The following ARHGAP25 variants were observed in gnomAD, a reference collection of about 807,000 sequenced individuals.
The protein encoded by ARHGAP25 is Rho GTPase activating protein 25, also known as rho GTPase-activating protein 25.
Under a neutral mutation model 71.0 loss-of-function variants are expected in ARHGAP25, and 34 were observed. The observed-to-expected ratio is 0.48, with a 90% confidence interval of 0.36 to 0.64. ARHGAP25 has a LOEUF of 0.64. Ranked by LOEUF, ARHGAP25 falls within the 30% of genes least tolerant of loss-of-function variation. The pLI, the probability that ARHGAP25 is intolerant of heterozygous loss-of-function variation, is 0.00. For synonymous variants in ARHGAP25, 282 were observed against 296.5 expected, an observed-to-expected ratio of 0.95 and a Z score of 0.50; for missense variants, 706 against 805.1, an observed-to-expected ratio of 0.88 and a Z score of 1.49.
intron 6 of ARHGAP25, among the ~76,000 whole-genome samples, chr2:68,814,941 T>A (rs946237872): frequency 1.3e-5 from 2 of 152,228 alleles, no homozygotes. Flanking sequence ...TACTGGTATA[T>A]CTGCTCACCA....
chr2:68,775,115 C>T lies in ARHGAP25; in HGVS notation c.62-106C>T. 4 of 1,594,992 alleles carry T rather than the reference C, an allele frequency of 2.5e-6. No individual in the cohort carries two copies. In the South Asian group the frequency reaches 3.4e-5, roughly 13 times the overall value. On this transcript the variant is annotated intron_variant, in intron 1 of 10. Coordinates refer to ENST00000409202, the MANE Select transcript of ARHGAP25 (RefSeq NM_001007231.3). Reference sequence around the variant, plus strand: ...CCCCTGAACTGGACCTGGTTGTCGTCCCCCCGCTTCTCAGCCCCCTCTGGG... The same window carrying T: ...CCCCTGAACTGGACCTGGTTGTCGTTCCCCCGCTTCTCAGCCCCCTCTGGG...
intron 1 of ARHGAP25, among the ~76,000 whole-genome samples, chr2:68,771,643 G>A (rs982665433): frequency 2.6e-5 from 4 of 152,192 alleles, no homozygotes; most frequent in East Asian, 3.8e-4. Flanking sequence ...CTGCACTTGG[G>A]ATGGAAAGTG....
At chr2:68,819,850 G>C (rs1196770891) in intron 9 of ARHGAP25, 1 of 215,940 alleles carries the variant, frequency 4.6e-6, no homozygotes, top group Admixed American at 5.5e-5. Context: ...ATGTCCAAAA[G>C]CTCTGCTGAC....
At chr2:68,730,522 A>G (rs1454693230), upstream of ARHGAP25, among the ~76,000 whole-genome samples, 1 of 151,976 alleles carries the variant, frequency 6.6e-6, no homozygotes, top group Non-Finnish European at 1.5e-5. Context: ...TGGTAGTGAA[A>G]GCTTGCAGTC....
intron 1 of ARHGAP25, among the ~76,000 whole-genome samples, chr2:68,755,757 TG>T (rs570498906): frequency 2.0e-4 from 31 of 152,054 alleles, no homozygotes; most frequent in African/African-American, 7.2e-4. Flanking sequence ...GAAAGAGGAG[TG>T]GGGGTAATGG....
intron 2 of ARHGAP25, among the ~76,000 whole-genome samples, chr2:68,727,628 T>A (rs376801643): frequency 2.2e-4 from 34 of 152,358 alleles, no homozygotes; most frequent in African/African-American, 7.9e-4. Flanking sequence ...TGGAGTCTGT[T>A]CTTCACTCTG....
At chr2:68,746,225 T>C (rs72893994) in intron 1 of ARHGAP25, among the ~76,000 whole-genome samples, 2,676 of 152,330 alleles carry the variant, frequency 0.018, 69 homozygotes, top group African/African-American at 0.062. Flanking sequence ...ATAACATTCA[T>C]AGAGAAAAAT....
chr2:68,715,820 T>C (rs1301358250), intron 2 of ARHGAP25, among the ~76,000 whole-genome samples: 1 of 152,208 alleles, frequency 6.6e-6, no homozygotes. Context: ...ATTCTGGAAC[T>C]GTATCTCCTC....
chr2:68,776,110 C>G (rs1677888355), intron 2 of ARHGAP25, among the ~76,000 whole-genome samples: 1 of 148,556 alleles, frequency 6.7e-6, no homozygotes, highest in Non-Finnish European at 1.5e-5. Context: ...GTGTTCCAGG[C>G]AGAGAGAACG....
At chr2:68,761,362 G>C (rs1316402145) in intron 1 of ARHGAP25, among the ~76,000 whole-genome samples, 1 of 151,906 alleles carries the variant, frequency 6.6e-6, no homozygotes, top group Non-Finnish European at 1.5e-5. Flanking sequence ...CAAAGGCACA[G>C]GTAACAGAAG....
chr2:68,735,865 A>G (rs928303560), intron 1 of ARHGAP25, among the ~76,000 whole-genome samples: 5 of 152,308 alleles, frequency 3.3e-5, no homozygotes, highest in Middle Eastern at 3.4e-3. Context: ...ATTTTAAGGG[A>G]GACTGGCATA....
At chr2:68,723,052 G>A (rs1258273499) in intron 2 of ARHGAP25, among the ~76,000 whole-genome samples, 5 of 152,198 alleles carry the variant, frequency 3.3e-5, no homozygotes, top group East Asian at 1.9e-4. Flanking sequence ...TTCTTGAACC[G>A]GCCATTCCAG....
chr2:68,822,366 C>T lies in ARHGAP25; in HGVS notation c.1227C>T (p.Pro409=), dbSNP rs1159640497. The T allele has an allele frequency of 6.2e-7, 1 of 1,614,078 alleles. No homozygotes were observed. Among genetic ancestry groups the T allele is most frequent in the Admixed American group, 1.7e-5 (1 of 60,014 alleles). Residue 409 remains proline, a synonymous_variant, in exon 10 of 11, where the codon CCC becomes CCT. Coordinates refer to ENST00000409202, the MANE Select transcript of ARHGAP25 (RefSeq NM_001007231.3). ...CAAGCGACTCTGATACAACCAGCCC[C>T]ACCGGACAGCAGCCGAGCGATGCGT... ...SMTSDSDTTS[P]TGQQPSDAFP...
At chr2:68,723,426 T>G (rs1338933787) in intron 2 of ARHGAP25, among the ~76,000 whole-genome samples, 2 of 152,226 alleles carry the variant, frequency 1.3e-5, no homozygotes, top group African/African-American at 4.8e-5. Context: ...CATCTCTGTG[T>G]CACATAGATT....
At position 68,792,472 on chromosome 2, in the gene ARHGAP25, G is replaced by A. The variant is rs145184021; in HGVS notation, c.466+4516G>A. Among the ~76,000 whole-genome samples, 860 of 152,150 alleles carry A rather than the reference G, an allele frequency of 5.7e-3. 6 individuals carry two copies. The highest frequency in any genetic ancestry group is 0.02 in the African/African-American group (823 of 41,512). Reference sequence around the variant, plus strand: ...CCATACTCTATGTCTGTGTGTACACGTTACTTAGCTCCCACTTATAAGTCA... The same window carrying A: ...CCATACTCTATGTCTGTGTGTACACATTACTTAGCTCCCACTTATAAGTCA... On this transcript the variant is annotated intron_variant, in intron 4 of 10. Transcript: ENST00000409202.
At chr2:68,812,142 A>C (rs1680872017) in intron 5 of ARHGAP25, among the ~76,000 whole-genome samples, 1 of 152,226 alleles carries the variant, frequency 6.6e-6, no homozygotes, top group Admixed American at 6.5e-5. Flanking sequence ...CTTTATTGCA[A>C]CTATAATACT....
At chr2:68,765,319 G>A (rs766041435) in intron 1 of ARHGAP25, among the ~76,000 whole-genome samples, 24 of 150,994 alleles carry the variant, frequency 1.6e-4, no homozygotes, top group Non-Finnish European at 1.2e-4. Context: ...TGCAGACCTT[G>A]GAAAATAGAC....
chr2:68,791,275 G>C (rs1168271633), intron 4 of ARHGAP25, among the ~76,000 whole-genome samples: 1 of 152,146 alleles, frequency 6.6e-6, no homozygotes, highest in Non-Finnish European at 1.5e-5. Flanking sequence ...AATCTACTTG[G>C]CAGGAATTGT....
In ARHGAP25 at chr2:68,788,152, C is replaced by T. The variant is rs546190903; in HGVS notation, c.466+196C>T. On this transcript the variant is annotated intron_variant, in intron 4 of 10. Coordinates refer to ENST00000409202, the MANE Select transcript of ARHGAP25 (RefSeq NM_001007231.3). ...AGAGCTTCTAGCTTCCCACCCCCTGCGGCACCTGGGTCATCTCAAAGAGCC... is the reference window on the plus strand; with the variant it reads ...AGAGCTTCTAGCTTCCCACCCCCTGTGGCACCTGGGTCATCTCAAAGAGCC... Among the ~76,000 whole-genome samples, 112 of 152,316 alleles carry T rather than the reference C, an allele frequency of 7.4e-4. 2 individuals carry two copies. The highest frequency in any genetic ancestry group is 3.9e-3 in the East Asian group (20 of 5,184).
Sources: gnomAD v4.1 joint callset for allele counts (sites outside exome capture counted in the v4.1 genomes callset) on GRCh38, gnomAD v4.1.1 for gene constraint, MANE v1.5 for transcripts, NCBI Gene and HGNC (gene_info 2026-07-23, HGNC 2026-07-21) for gene names.